Variants in STPG4 observed in about 807,000 individuals in gnomAD.
The protein encoded by STPG4 is protein STPG4.
In STPG4, 41 loss-of-function variants were observed where a neutral mutation model predicts 31.5. That is an observed-to-expected ratio of 1.30 (90% confidence interval 1.01 to 1.69). The LOEUF is 1.69. STPG4 is among the 40% of genes most tolerant of loss of function. The pLI, the probability that STPG4 is intolerant of heterozygous loss-of-function variation, is 0.00. For synonymous variants in STPG4, 141 were observed against 103.0 expected (o/e 1.37, Z -2.24); for missense variants, 375 against 293.4 (o/e 1.28, Z -2.03).
At position 47,090,277 on chromosome 2, in the gene STPG4, C is replaced by G. The variant is rs992813270; in HGVS notation, c.617G>C (p.Ser206Thr). Residue 206 changes from serine to threonine, a missense_variant, in exon 6 of 7, where the codon AGC (serine) becomes ACC (threonine). Ser to Thr is a moderately conservative substitution (Grantham distance 58, BLOSUM62 1). Coordinates refer to ENST00000445927, the MANE Select transcript of STPG4 (RefSeq NM_001163561.2). ...FQSRVPRFLPSCSKTPGPGAY... is the reference protein window; with the variant it reads ...FQSRVPRFLPTCSKTPGPGAY... The stretch of plus-strand genomic sequence containing the variant: ...GTCTTTCCGAATACTTACTGAACAG[C>G]TGGGCAAGAATCGAGGGACTCTGGA... 1 of 1,550,574 alleles carries G rather than the reference C, an allele frequency of 6.4e-7. No individual in the cohort carries two copies. Among genetic ancestry groups the G allele is most frequent in the Non-Finnish European group, 8.7e-7 (1 of 1,145,916 alleles).
intron 5 of STPG4, among the ~76,000 whole-genome samples, chr2:47,117,334 C>G (rs935834711): frequency 6.6e-6 from 1 of 152,138 alleles, no homozygotes; most frequent in African/African-American, 2.4e-5. Context: ...CTCACCCTCC[C>G]GAGTAGCTGG....
intron 6 of STPG4, among the ~76,000 whole-genome samples, chr2:47,087,464 C>T (rs1685479808): frequency 6.6e-6 from 1 of 152,320 alleles, no homozygotes; most frequent in African/African-American, 2.4e-5. Flanking sequence ...GCCCAGGCAA[C>T]TCCTATCCCG....
chr2:47,123,450 T>C (rs573539290), intron 5 of STPG4, among the ~76,000 whole-genome samples: 1 of 152,114 alleles, frequency 6.6e-6, no homozygotes. Context: ...TACGTTCTAG[T>C]GAGGGGGAAA....
chr2:47,153,785 A>G (rs374112942), intron 1 of STPG4, among the ~76,000 whole-genome samples: 33 of 152,158 alleles, frequency 2.2e-4, no homozygotes, highest in African/African-American at 7.7e-4. Flanking sequence ...GGGGGAAAAA[A>G]AAGACTAAGG....
At chr2:47,100,252 C>G (rs1366495746) in intron 5 of STPG4, among the ~76,000 whole-genome samples, 1 of 151,860 alleles carries the variant, frequency 6.6e-6, no homozygotes, top group Non-Finnish European at 1.5e-5. Context: ...TGTAAATACA[C>G]CAATCAGCAC....
chr2:47,119,107 G>A (rs1020367907), intron 5 of STPG4, among the ~76,000 whole-genome samples: 1 of 152,146 alleles, frequency 6.6e-6, no homozygotes, highest in Non-Finnish European at 1.5e-5. Flanking sequence ...CACACTGCAC[G>A]CCACCATCTC....
At chr2:47,102,109 C>T (rs777472996) in intron 5 of STPG4, among the ~76,000 whole-genome samples, 22 of 151,688 alleles carry the variant, frequency 1.5e-4, no homozygotes, top group African/African-American at 2.2e-4. Flanking sequence ...TCTGCTGCTG[C>T]GTCGGTGAGC....
intron 5 of STPG4, among the ~76,000 whole-genome samples, chr2:47,124,918 C>G (rs543979171): frequency 2.2e-4 from 33 of 152,316 alleles, no homozygotes; most frequent in African/African-American, 6.5e-4. Flanking sequence ...TTCTCCACAT[C>G]CTCGCCAGCA....
intron 3 of STPG4, among the ~76,000 whole-genome samples, chr2:47,145,907 C>T (rs893760192): frequency 2.0e-5 from 3 of 152,088 alleles, no homozygotes; most frequent in East Asian, 1.9e-4. Context: ...AGATCTGAAG[C>T]GTTGAATAGT....
At chr2:47,116,286 G>T (rs1445824905) in intron 5 of STPG4, among the ~76,000 whole-genome samples, 1 of 152,142 alleles carries the variant, frequency 6.6e-6, no homozygotes, top group African/African-American at 2.4e-5. Context: ...GGAATAGAAG[G>T]ATATTCAAAT....
chr2:47,143,643 G>A (rs775820992), intron 3 of STPG4, among the ~76,000 whole-genome samples: 7 of 151,936 alleles, frequency 4.6e-5, no homozygotes, highest in Non-Finnish European at 7.4e-5. Context: ...GCGCCACCAC[G>A]CCCGGCTAAT....
At chr2:47,124,362 T>A (rs1242236351) in intron 5 of STPG4, among the ~76,000 whole-genome samples, 4 of 152,176 alleles carry the variant, frequency 2.6e-5, no homozygotes, top group Non-Finnish European at 4.4e-5. Context: ...TATCATTCTA[T>A]CTAACTATAT....
chr2:47,129,739 A>G, intron 5 of STPG4: 1 of 577,596 alleles, frequency 1.7e-6, no homozygotes, highest in East Asian at 3.1e-5. Flanking sequence ...ACAATGTTAA[A>G]ACCTGGTATT....
In STPG4 at chr2:47,096,687, C is replaced by T. The variant is rs1331647920; in HGVS notation, c.520-6313G>A. 2.0e-5 allele frequency among the ~76,000 whole-genome samples: 3 copies of T among 152,140 alleles called. No homozygotes were observed. In the East Asian group the frequency reaches 5.8e-4, roughly 29 times the overall value. ...TAAAACCAAGCTTAAAAAGTCAAAT[C>T]CACAAATATTCACTGAAACCTGCTG... is the stretch of plus-strand genomic sequence containing the variant. On this transcript the variant is annotated intron_variant, in intron 5 of 6. Transcript: ENST00000445927.
intron 3 of STPG4, among the ~76,000 whole-genome samples, chr2:47,143,396 C>G (rs927241156): frequency 3.3e-5 from 5 of 151,904 alleles, no homozygotes; most frequent in African/African-American, 1.2e-4. Context: ...TATTATTCCT[C>G]TGTAATTATT....
intron 1 of STPG4, among the ~76,000 whole-genome samples, chr2:47,154,535 AG>A (rs1357632858): frequency 2.0e-5 from 3 of 152,246 alleles, no homozygotes; most frequent in Admixed American, 2.0e-4. Context: ...GAAAGATAAA[AG>A]ATTAGGTTAA....
chr2:47,129,724 T>G (rs965710588), intron 5 of STPG4: 6 of 524,216 alleles, frequency 1.1e-5, no homozygotes, highest in African/African-American at 7.7e-5. Context: ...GCCTCTTTCC[T>G]TGATACAATG....
intron 5 of STPG4, among the ~76,000 whole-genome samples, chr2:47,122,014 T>A (rs1321918010): frequency 6.6e-6 from 1 of 152,168 alleles, no homozygotes; most frequent in African/African-American, 2.4e-5. Context: ...GGCATAGACA[T>A]ATCTTTGGGG....
intron 5 of STPG4, among the ~76,000 whole-genome samples, chr2:47,100,995 T>G (rs1213054675): frequency 6.6e-6 from 1 of 151,880 alleles, no homozygotes; most frequent in East Asian, 1.9e-4. Context: ...GCGACCCAGA[T>G]GGGACATTTG....
Sources: allele counts gnomAD v4.1 joint callset (sites outside exome capture counted in the v4.1 genomes callset), GRCh38; gene constraint gnomAD v4.1.1; transcripts MANE v1.5; gene names NCBI Gene and HGNC (gene_info 2026-07-23, HGNC 2026-07-21).